The following SLCO1A2 variants were observed in gnomAD, a reference collection of about 807,000 sequenced individuals.
SLCO1A2 encodes OATP-1.
In SLCO1A2, 67 loss-of-function variants were observed where a neutral mutation model predicts 69.0. The ratio of observed to expected loss-of-function variants is 0.97; its 90% CI spans 0.80 to 1.19. The LOEUF (loss-of-function observed/expected upper bound fraction) is 1.19, where lower values mean the gene tolerates loss of function less well. Among genes scored for constraint, SLCO1A2 ranks in the 50% most tolerant of loss-of-function variants. The pLI, the probability that SLCO1A2 is intolerant of heterozygous loss-of-function variation, is 0.00. For missense variants in SLCO1A2, 787 were observed against 793.7 expected (o/e 0.99, Z 0.10); for synonymous variants, 260 against 265.9 (o/e 0.98, Z 0.22).
chr12:21,346,448 A>G (rs1391131805), intron 2 of SLCO1A2, among the ~76,000 whole-genome samples: 1 of 152,002 alleles, frequency 6.6e-6, no homozygotes, highest in Non-Finnish European at 1.5e-5. Context: ...AAAAATGTCC[A>G]TTGGTAGCGT....
chr12:21,308,356 T>C (rs1439629758), intron 4 of SLCO1A2, among the ~76,000 whole-genome samples: 1 of 152,136 alleles, frequency 6.6e-6, no homozygotes, highest in Non-Finnish European at 1.5e-5. Context: ...AAATAAAAGA[T>C]ATGAGAAGTG....
intron 1 of SLCO1A2, among the ~76,000 whole-genome samples, chr12:21,387,956 G>C (rs1263610897): frequency 6.6e-6 from 1 of 152,224 alleles, no homozygotes; most frequent in Admixed American, 6.5e-5. Context: ...CTGTATGTGA[G>C]ACATGGAGTC....
rs117701959 is a variant in SLCO1A2 at position 21,374,743 on chromosome 12, A to C, written c.-189-218T>G. ...TCCTAGTATATCTGTTTATATCTTG[A>C]TACTTTCTTTCAATAGATATAGAAA... On this transcript the variant is annotated intron_variant, in intron 1 of 15. Coordinates refer to the SLCO1A2 transcript ENST00000307378. Among the ~76,000 whole-genome samples the C allele has an allele frequency of 3.9e-3, 589 of 152,256 alleles. 2 individuals carry two copies. Among genetic ancestry groups the C allele is most frequent in the Admixed American group, 6.5e-3 (99 of 15,288 alleles).
chr12:21,288,011 TAA>T (rs59000175), intron 12 of SLCO1A2, among the ~76,000 whole-genome samples: 15,990 of 102,842 alleles, frequency 0.16, 848 homozygotes, highest in Middle Eastern at 0.2. Context: ...TAAAGTATAA[TAA>T]AAAAAAAAAA....
At chr12:21,411,106 A>C (rs1941899904) in intron 1 of SLCO1A2, among the ~76,000 whole-genome samples, 1 of 152,150 alleles carries the variant, frequency 6.6e-6, no homozygotes, top group East Asian at 1.9e-4. Context: ...GGCCTGAGGA[A>C]GAAAAAAAAA....
At chr12:21,338,084 G>T (rs1314578678), upstream of SLCO1A2, among the ~76,000 whole-genome samples, 2 of 151,978 alleles carry the variant, frequency 1.3e-5, no homozygotes, top group Admixed American at 6.6e-5. Context: ...TGAATTCTGT[G>T]TTTAGGGGAA....
upstream of SLCO1A2, among the ~76,000 whole-genome samples, chr12:21,339,781 G>A (rs1243287191): frequency 4.6e-5 from 7 of 151,830 alleles, no homozygotes; most frequent in Admixed American, 4.6e-4. Flanking sequence ...TCTCACACCA[G>A]TACTTCCCAC....
chr12:21,376,368 A>G, intron 1 of SLCO1A2: 2 of 356,952 alleles, frequency 5.6e-6, no homozygotes, highest in Non-Finnish European at 1.1e-5. Flanking sequence ...AAGAAAAGTA[A>G]GTATTTTAGA....
rs184057587 is a variant in SLCO1A2 at position 21,330,901 on chromosome 12, C to T, written c.60+3687G>A. On this transcript the variant is annotated intron_variant, in intron 2 of 14. Transcript: ENST00000683939. ...ACAGACCATTTACAACATGCTTGGA[C>T]TTTCTGGTTTGACATAAATATTTCT... is the stretch of plus-strand genomic sequence containing the variant. Among the ~76,000 whole-genome samples the T allele has an allele frequency of 2.7e-3, 406 of 152,238 alleles. 2 individuals are homozygous for T. Among genetic ancestry groups the T allele is most frequent in the African/African-American group, 9.5e-3 (393 of 41,554 alleles).
At chr12:21,297,218 CTTCTTTCCTTCCTTCTTTCTTTCT>C (rs200403486) in intron 9 of SLCO1A2, among the ~76,000 whole-genome samples, 162 bp downstream of exon 9, 14,271 of 151,728 alleles carry the variant, frequency 0.094, 1,097 homozygotes, top group East Asian at 0.35. Context: ...TCTTTCCTTC[CTTCTTTCCTTCCTTCTTTCTTTCT>C]TTCTTTCTCT....
In SLCO1A2 at chr12:21,378,262, A is replaced by T. The variant is rs142526620; in HGVS notation, c.-189-3737T>A. On this transcript the variant is annotated intron_variant, in intron 1 of 15. Coordinates refer to the SLCO1A2 transcript ENST00000307378. ...TCATCAGGTGGAAAAGCGGAAATGCAACACTGCCACATGTGCAACGCAGCG... is the reference window on the plus strand; with the variant it reads ...TCATCAGGTGGAAAAGCGGAAATGCTACACTGCCACATGTGCAACGCAGCG... 3 of 1,614,102 alleles carry T rather than the reference A, an allele frequency of 1.9e-6. No individual in the cohort carries two copies. In the African/African-American group the frequency reaches 4.0e-5, roughly 22 times the overall value.
chr12:21,408,611 C>A (rs1034822880), intron 1 of SLCO1A2, among the ~76,000 whole-genome samples: 4 of 152,102 alleles, frequency 2.6e-5, no homozygotes, highest in African/African-American at 9.7e-5. Flanking sequence ...AACTCAGTAT[C>A]ATGTTGAAGA....
chr12:21,306,608 T>G (rs1403078615), intron 5 of SLCO1A2, among the ~76,000 whole-genome samples: 1 of 152,222 alleles, frequency 6.6e-6, no homozygotes, highest in Non-Finnish European at 1.5e-5. Flanking sequence ...ATTACAGGCG[T>G]GAGCCACTGC....
At chr12:21,301,143 A>C in intron 7 of SLCO1A2, 28 bp downstream of exon 7, 1 of 1,460,002 alleles carries the variant, frequency 6.8e-7, no homozygotes, top group Non-Finnish European at 9.6e-7. Flanking sequence ...TAGTCTAGAC[A>C]CTGTACAAAT....
Position 21,269,431 on chromosome 12 carries a change from G to A in SLCO1A2, c.*117C>T. The A allele has an allele frequency of 1.5e-6, 1 of 654,748 alleles. No homozygotes were observed. The highest frequency in any genetic ancestry group is 2.5e-6 in the Non-Finnish European group (1 of 404,060). 40.6% of individuals were successfully genotyped at this position (654,748 alleles called of 1,614,324 possible). On this transcript the variant is annotated 3_prime_UTR_variant, in exon 15 of 15. Coordinates refer to ENST00000683939, the MANE Select transcript of SLCO1A2 (RefSeq NM_001386879.1). The stretch of plus-strand genomic sequence containing the variant: ...ACATTTTATTATTTTGAGTTAAGAG[G>A]TTTTTTAGGTTCTTAAAGACAAGAA...
chr12:21,289,184 CTGTGTGTGTG>C lies in SLCO1A2; in HGVS notation c.1610+2970_1610+2979del, dbSNP rs10636619. Among the ~76,000 whole-genome samples, 912 of 136,980 alleles carry C rather than the reference CTGTGTGTGTG, an allele frequency of 6.7e-3. 16 individuals are homozygous for C. The highest frequency in any genetic ancestry group is 0.05 in the South Asian group (200 of 3,962). The allele number at this position is 136,980 out of a possible 152,430, so 89.9% of individuals were successfully genotyped here. On this transcript the variant is annotated intron_variant, in intron 12 of 14. Transcript: ENST00000683939. ...CATTTGTGATGGTAATGGTACCATT[CTGTGTGTGTG>C]TGTGTGTGTGTGTGTGTGTGTGTGT...
At chr12:21,410,247 T>A (rs192968519) in intron 1 of SLCO1A2, among the ~76,000 whole-genome samples, 81 of 152,314 alleles carry the variant, frequency 5.3e-4, no homozygotes, top group Admixed American at 1.0e-3. Context: ...CAATTTTATA[T>A]AGTTTTGCAA....
At chr12:21,318,068 T>C (rs1951103176) in intron 3 of SLCO1A2, among the ~76,000 whole-genome samples, 1 of 151,908 alleles carries the variant, frequency 6.6e-6, no homozygotes. Flanking sequence ...TTTTCATTTG[T>C]AAGGCAATTT....
intron 11 of SLCO1A2, among the ~76,000 whole-genome samples, chr12:21,293,252 G>A (rs1283624925): frequency 1.3e-5 from 2 of 152,152 alleles, no homozygotes; most frequent in South Asian, 2.1e-4. Context: ...GCAGTGAGCC[G>A]AGATCATGCC....
Sources: allele counts gnomAD v4.1 joint callset (sites outside exome capture counted in the v4.1 genomes callset), GRCh38; gene constraint gnomAD v4.1.1; transcripts MANE v1.5; gene names NCBI Gene and HGNC (gene_info 2026-07-23, HGNC 2026-07-21).